The following FBXW7 variants were observed in gnomAD, a reference collection of about 807,000 sequenced individuals.
FBXW7 encodes the protein F-box and WD repeat domain containing 7.
FBXW7 carries 11 observed loss-of-function variants against 86.3 expected under a neutral mutation model. The observed-to-expected ratio is 0.13, with a 90% CI of 0.08 to 0.21. The LOEUF (loss-of-function observed/expected upper bound fraction) is 0.21. Among genes scored for constraint, FBXW7 ranks in the 10% least tolerant of loss-of-function variants. The pLI is 1.00. For missense variants in FBXW7, 488 were observed against 847.4 expected, an observed-to-expected ratio of 0.58 and a Z score of 5.27; for synonymous variants, 313 against 297.9, an observed-to-expected ratio of 1.05 and a Z score of -0.52.
chr4:152,380,194 C>T (rs752488244), intron 4 of FBXW7, among the ~76,000 whole-genome samples: 25 of 151,556 alleles, frequency 1.6e-4, no homozygotes, highest in Non-Finnish European at 3.5e-4. Flanking sequence ...TAAAAATACC[C>T]GATGTAAAAG....
intron 2 of FBXW7, among the ~76,000 whole-genome samples, chr4:152,487,041 A>T (rs1745409894): frequency 6.6e-6 from 1 of 152,198 alleles, no homozygotes; most frequent in Non-Finnish European, 1.5e-5. Context: ...TAGTTCACCG[A>T]ATTAATGAAG....
chr4:152,345,416 A>C (rs1731167747), intron 6 of FBXW7, among the ~76,000 whole-genome samples: 1 of 152,166 alleles, frequency 6.6e-6, no homozygotes, highest in African/African-American at 2.4e-5. Context: ...TAACATTTTA[A>C]TAACAATAAA....
intron 2 of FBXW7, among the ~76,000 whole-genome samples, chr4:152,516,967 A>C (rs565313514): frequency 6.0e-4 from 91 of 152,318 alleles, no homozygotes; most frequent in Non-Finnish European, 1.1e-3. Context: ...CTGGGACTAC[A>C]GGCAAGTGCC....
chr4:152,506,570 T>A (rs189407844), intron 2 of FBXW7, among the ~76,000 whole-genome samples: 1 of 152,360 alleles, frequency 6.6e-6, no homozygotes, highest in East Asian at 1.9e-4. Flanking sequence ...TCAGTTCCAT[T>A]ATAATCTCAT....
intron 4 of FBXW7, among the ~76,000 whole-genome samples, chr4:152,367,995 G>A (rs187152916): frequency 3.4e-3 from 513 of 151,912 alleles, no homozygotes; most frequent in Non-Finnish European, 4.0e-3. Flanking sequence ...TGTAAGAGTC[G>A]ATTAATATTC....
chr4:152,431,997 C>T (rs988827087), intron 2 of FBXW7, among the ~76,000 whole-genome samples: 2 of 152,168 alleles, frequency 1.3e-5, no homozygotes, highest in Admixed American at 1.3e-4. Context: ...TGTAAAGATG[C>T]TGAGTTATTT....
chr4:152,398,992 A>G (rs1305690509), intron 4 of FBXW7, among the ~76,000 whole-genome samples: 4 of 152,148 alleles, frequency 2.6e-5, no homozygotes, highest in African/African-American at 9.7e-5. Context: ...TCTTACATTT[A>G]CTGTTTATAT....
intron 2 of FBXW7, among the ~76,000 whole-genome samples, chr4:152,518,000 T>C (rs1309990902): frequency 6.6e-6 from 1 of 152,236 alleles, no homozygotes; most frequent in Non-Finnish European, 1.5e-5. Flanking sequence ...TTTTTCTTTT[T>C]TTCTTCAAGA....
At chr4:152,374,244 C>T (rs1226562224) in intron 4 of FBXW7, among the ~76,000 whole-genome samples, 1 of 151,964 alleles carries the variant, frequency 6.6e-6, no homozygotes, top group East Asian at 1.9e-4. Flanking sequence ...CCTATTCTTT[C>T]TTCTCTTCAA....
chr4:152,411,829 T>C lies in FBXW7; in HGVS notation c.-26A>G, dbSNP rs1376387590. On this transcript the variant is annotated 5_prime_UTR_variant, in exon 4 of 14. Transcript: ENST00000281708. The stretch of plus-strand genomic sequence containing the variant: ...TTCCAAAAGCCAGCTTGCTACTTCT[T>C]GGACCTTGGCTAGACTATCAGAAGA... The C allele has an allele frequency of 1.9e-6, 3 of 1,578,784 alleles. No homozygotes were observed. In the South Asian group the frequency reaches 3.4e-5, roughly 18 times the overall value.
At chr4:152,458,643 T>A (rs190432233) in intron 2 of FBXW7, among the ~76,000 whole-genome samples, 158 of 152,342 alleles carry the variant, frequency 1.0e-3, no homozygotes, top group Admixed American at 1.6e-3. Context: ...GTTAACATCA[T>A]GCTGGATTGT....
intron 2 of FBXW7, among the ~76,000 whole-genome samples, chr4:152,489,162 C>T (rs1273950585): frequency 1.3e-5 from 2 of 151,968 alleles, no homozygotes; most frequent in Non-Finnish European, 2.9e-5. Context: ...TTCTGTAAGG[C>T]TCAAGGGTAT....
intron 2 of FBXW7, among the ~76,000 whole-genome samples, chr4:152,437,200 T>A (rs1485099768): frequency 6.6e-6 from 1 of 152,180 alleles, no homozygotes; most frequent in Non-Finnish European, 1.5e-5. Context: ...AACAGGAGTT[T>A]GGAAGAAGTT....
chr4:152,361,829 G>T (rs1422701320), intron 4 of FBXW7, among the ~76,000 whole-genome samples: 1 of 151,952 alleles, frequency 6.6e-6, no homozygotes, highest in Non-Finnish European at 1.5e-5. Flanking sequence ...AGCCGGGTAT[G>T]GTGGTGTGCA....
At chr4:152,439,489 T>C (rs1203876037) in intron 2 of FBXW7, among the ~76,000 whole-genome samples, 1 of 152,054 alleles carries the variant, frequency 6.6e-6, no homozygotes, top group Non-Finnish European at 1.5e-5. Context: ...CAGAAACCGA[T>C]TTTCAGGGCC....
At chr4:152,515,315 T>C (rs561311052) in intron 2 of FBXW7, among the ~76,000 whole-genome samples, 144 of 152,314 alleles carry the variant, frequency 9.5e-4, no homozygotes, top group African/African-American at 3.3e-3. Context: ...AGATCATTGA[T>C]TGCCTGAAGC....
intron 2 of FBXW7, among the ~76,000 whole-genome samples, chr4:152,499,602 G>A (rs1746718395): frequency 6.6e-6 from 1 of 151,970 alleles, no homozygotes. Context: ...AGAATCTCTC[G>A]GTGATATCCC....
At chr4:152,457,268 T>C (rs1742497971) in intron 2 of FBXW7, among the ~76,000 whole-genome samples, 1 of 152,180 alleles carries the variant, frequency 6.6e-6, no homozygotes, top group African/African-American at 2.4e-5. Context: ...GGGTGATGTA[T>C]ATATTCACTG....
chr4:152,489,007 TA>T (rs1270898602), intron 2 of FBXW7, among the ~76,000 whole-genome samples: 47 of 152,134 alleles, frequency 3.1e-4, no homozygotes, highest in Admixed American at 1.9e-3. Flanking sequence ...ATAAAGAATA[TA>T]ATTAACAGAG....
Sources: allele counts gnomAD v4.1 joint callset (sites outside exome capture counted in the v4.1 genomes callset), GRCh38; gene constraint gnomAD v4.1.1; transcripts MANE v1.5; gene names NCBI Gene and HGNC (gene_info 2026-07-23, HGNC 2026-07-21).